MSH3: variants seen among roughly 807,000 people sequenced by gnomAD.
MSH3 encodes mutS homolog 3, also known as DNA mismatch repair protein Msh3.
A neutral mutation model predicts 123.3 loss-of-function variants in MSH3; 106 were observed. The ratio of observed to expected loss-of-function variants is 0.86; its 90% confidence interval spans 0.73 to 1.01. The LOEUF is 1.01. Among genes scored for constraint, MSH3 ranks in the 50% least tolerant of loss-of-function variants. MSH3 has a pLI of 0.00. For missense variants in MSH3, 1,459 were observed against 1,347.6 expected, an observed-to-expected ratio of 1.08 and a Z score of -1.29; for synonymous variants, 515 against 481.4, an observed-to-expected ratio of 1.07 and a Z score of -0.91.
intron 8 of MSH3, among the ~76,000 whole-genome samples, chr5:80,722,431 A>G (rs1751101683): frequency 1.3e-5 from 2 of 152,242 alleles, no homozygotes; most frequent in South Asian, 2.1e-4. Flanking sequence ...ATCAATATAC[A>G]TAAGATAAGC....
intron 19 of MSH3, among the ~76,000 whole-genome samples, chr5:80,812,612 C>G (rs1455405202): frequency 2.5e-5 from 3 of 121,568 alleles, no homozygotes; most frequent in African/African-American, 9.5e-5. Flanking sequence ...GAGATGGAGT[C>G]TCACTCTCAC....
At chr5:80,791,156 A>G (rs2112024726) in intron 18 of MSH3, among the ~76,000 whole-genome samples, 1 of 150,024 alleles carries the variant, frequency 6.7e-6, no homozygotes, top group African/African-American at 2.5e-5. Context: ...GATACAATTT[A>G]TAGGTTACAA....
chr5:80,738,544 T>C (rs545506621), intron 10 of MSH3, among the ~76,000 whole-genome samples: 12 of 152,244 alleles, frequency 7.9e-5, no homozygotes, highest in African/African-American at 2.6e-4. Flanking sequence ...GACTGTTGGA[T>C]TTATAGGATT....
intron 20 of MSH3, among the ~76,000 whole-genome samples, chr5:80,838,019 A>G (rs1340408666): frequency 6.6e-6 from 1 of 152,226 alleles, no homozygotes; most frequent in African/African-American, 2.4e-5. Flanking sequence ...TCAACATGAC[A>G]GTGAACTTCT....
chr5:80,870,579 A>G (rs1388827578), intron 22 of MSH3, among the ~76,000 whole-genome samples: 2 of 152,070 alleles, frequency 1.3e-5, no homozygotes, highest in South Asian at 2.1e-4. Flanking sequence ...CTCAACTTTC[A>G]TTTGGGGGCA....
At chr5:80,862,004 T>C (rs1175826331) in intron 21 of MSH3, among the ~76,000 whole-genome samples, 1 of 152,138 alleles carries the variant, frequency 6.6e-6, no homozygotes, top group Non-Finnish European at 1.5e-5. Flanking sequence ...CTGACCTTTT[T>C]ATGGATGAAA....
intron 8 of MSH3, among the ~76,000 whole-genome samples, chr5:80,679,859 G>A (rs894545468): frequency 6.6e-6 from 1 of 152,190 alleles, no homozygotes; most frequent in African/African-American, 2.4e-5. Flanking sequence ...AAAGAGACCA[G>A]AAAGGTGTGC....
intron 10 of MSH3, among the ~76,000 whole-genome samples, chr5:80,729,639 C>T (rs1005922387): frequency 5.9e-5 from 9 of 151,988 alleles, no homozygotes; most frequent in Admixed American, 5.2e-4. Context: ...GTTCTTATTT[C>T]ATAGACCATG....
chr5:80,738,724 A>G (rs1743558399), intron 10 of MSH3, among the ~76,000 whole-genome samples: 1 of 152,146 alleles, frequency 6.6e-6, no homozygotes, highest in South Asian at 2.1e-4. Context: ...TGGTTTCTTG[A>G]TTAGTCTCAT....
rs565481208 is a variant in MSH3 at position 80,656,339 on chromosome 5, T to A, written c.238-72T>A. 3 of 1,595,796 alleles carry A rather than the reference T, an allele frequency of 1.9e-6. No individual in the cohort carries two copies. In the African/African-American group the frequency reaches 4.0e-5, roughly 21 times the overall value. On this transcript the variant is annotated intron_variant, in intron 1 of 23. Transcript: ENST00000265081. ...AACCTTGTCATTCAGTTGTAAGGTT[T>A]AAATTGCTTCACATACGTCAGGCCT...
In MSH3 at chr5:80,676,392, C is replaced by G. The variant is rs577682386; in HGVS notation, c.1173+1264C>G. ...ATAAATTTGCTCATTTACAGACTTA[C>G]GTGGACTCTGCTAAAGGTCTTAGAC... On this transcript the variant is annotated intron_variant, in intron 7 of 23. Coordinates refer to ENST00000265081, the MANE Select transcript of MSH3 (RefSeq NM_002439.5). 2.0e-3 allele frequency among the ~76,000 whole-genome samples: 303 copies of G among 152,262 alleles called. 1 individual carries two copies. Among genetic ancestry groups the G allele is most frequent in the African/African-American group, 7.1e-3 (293 of 41,550 alleles).
chr5:80,705,457 C>T (rs1462171791), intron 8 of MSH3, among the ~76,000 whole-genome samples: 2 of 152,116 alleles, frequency 1.3e-5, no homozygotes, highest in Admixed American at 1.3e-4. Flanking sequence ...TATTTGCACT[C>T]GTAATTGGCA....
At chr5:80,666,433 C>T (rs887765123) in intron 3 of MSH3, among the ~76,000 whole-genome samples, 7 of 152,088 alleles carry the variant, frequency 4.6e-5, no homozygotes, top group Non-Finnish European at 1.0e-4. Flanking sequence ...CCTCCCTCAG[C>T]CAGGCTAATA....
intron 21 of MSH3, among the ~76,000 whole-genome samples, chr5:80,863,919 A>G (rs1746055050): frequency 6.6e-6 from 1 of 152,170 alleles, no homozygotes; most frequent in Non-Finnish European, 1.5e-5. Context: ...TATCAGACCT[A>G]AAAGGGTGCC....
intron 8 of MSH3, among the ~76,000 whole-genome samples, chr5:80,706,300 G>A (rs567103837): frequency 2.0e-5 from 3 of 152,190 alleles, no homozygotes; most frequent in Non-Finnish European, 4.4e-5. Flanking sequence ...GTATGATTGA[G>A]TGAAGTGGTC....
chr5:80,773,068 C>T (rs1412553233), intron 15 of MSH3, among the ~76,000 whole-genome samples: 3 of 152,146 alleles, frequency 2.0e-5, no homozygotes, highest in Admixed American at 6.5e-5. Flanking sequence ...CCAAACTGTT[C>T]CCAAGGTGCT....
chr5:80,670,366 T>C, intron 4 of MSH3, 57 bp downstream of exon 4: 3 of 1,539,190 alleles, frequency 1.9e-6, no homozygotes, highest in Non-Finnish European at 2.7e-6. Context: ...TTAGATATTT[T>C]TCAGTATTTT....
intron 20 of MSH3, among the ~76,000 whole-genome samples, chr5:80,833,613 T>C (rs1745458080): frequency 6.6e-6 from 1 of 152,132 alleles, no homozygotes; most frequent in African/African-American, 2.4e-5. Flanking sequence ...CAGCTAATTT[T>C]TGTATTTTTA....
intron 8 of MSH3, among the ~76,000 whole-genome samples, chr5:80,698,102 A>C (rs1396992546): frequency 6.6e-6 from 1 of 151,890 alleles, no homozygotes; most frequent in Admixed American, 6.6e-5. Flanking sequence ...AGGCCTCTCT[A>C]TGTCTTCTAT....
Sources: gnomAD v4.1 joint callset for allele counts (sites outside exome capture counted in the v4.1 genomes callset) on GRCh38, gnomAD v4.1.1 for gene constraint, MANE v1.5 for transcripts, NCBI Gene and HGNC (gene_info 2026-07-23, HGNC 2026-07-21) for gene names.